Variants in MGAT5 observed in about 807,000 individuals in gnomAD.
MGAT5 encodes the protein alpha-1,6-mannosylglycoprotein 6-beta-N-acetylglucosaminyltransferase A.
MGAT5 carries 30 observed loss-of-function variants against 94.3 expected under a neutral mutation model. The ratio of observed to expected loss-of-function variants is 0.32; its 90% CI spans 0.24 to 0.43. The LOEUF (loss-of-function observed/expected upper bound fraction) is 0.43, where lower values mean the gene tolerates loss of function less well. Ranked by LOEUF, MGAT5 falls within the 20% of genes least tolerant of loss-of-function variation. MGAT5 has a pLI of 1.00. For synonymous variants in MGAT5, 310 were observed against 322.9 expected, an observed-to-expected ratio of 0.96 and a Z score of 0.43; for missense variants, 691 against 905.5, an observed-to-expected ratio of 0.76 and a Z score of 3.04.
Position 134,311,753 on chromosome 2 carries a change from CTTTG to C in MGAT5, c.407-5770_407-5767del, listed in dbSNP as rs536343161. On this transcript the variant is annotated intron_variant, in intron 2 of 15. Transcript: ENST00000281923. Reference sequence around the variant, plus strand: ...AGCAGTGAGGAGTGGTTATTAAAAACTTTGTTTGTAGTAAGTGAATGTTTTATGA... The same window carrying C: ...AGCAGTGAGGAGTGGTTATTAAAAACTTTGTAGTAAGTGAATGTTTTATGA... Among the ~76,000 whole-genome samples the C allele has an allele frequency of 1.4e-3, 219 of 152,212 alleles. 1 individual carries two copies. The East Asian group carries it at 0.037, about 25-fold the overall frequency.
chr2:134,318,615 G>A, intron 3 of MGAT5, 35 bp from the exon 4 acceptor site: 1 of 1,531,024 alleles, frequency 6.5e-7, no homozygotes, highest in Non-Finnish European at 9.0e-7. Flanking sequence ...GAGGGCCTGT[G>A]AATGGGCTGC....
At chr2:134,273,182 G>A (rs1050493100) in intron 2 of MGAT5, among the ~76,000 whole-genome samples, 8 of 152,114 alleles carry the variant, frequency 5.3e-5, no homozygotes, top group Non-Finnish European at 1.0e-4. Flanking sequence ...TTTAAAAAAC[G>A]ATTTGCCATG....
At chr2:134,252,184 G>GC (rs1465224191), upstream of MGAT5, among the ~76,000 whole-genome samples, 2 of 152,186 alleles carry the variant, frequency 1.3e-5, no homozygotes, top group East Asian at 3.8e-4. Context: ...TGGGACTAGA[G>GC]CTGGGGTCTG....
intron 1 of MGAT5, among the ~76,000 whole-genome samples, chr2:134,238,976 T>C (rs993341955): frequency 1.3e-5 from 2 of 151,970 alleles, no homozygotes; most frequent in African/African-American, 4.8e-5. Context: ...AAAAGAAATA[T>C]TGCCCTAAAC....
Position 134,254,470 on chromosome 2 carries a change from T to G in MGAT5, c.67T>G (p.Phe23Val). 1 of 1,614,216 alleles carries G rather than the reference T, an allele frequency of 6.2e-7. No homozygotes were observed. Among genetic ancestry groups the G allele is most frequent in the Non-Finnish European group, 8.5e-7 (1 of 1,180,034 alleles). Residue 23 changes from phenylalanine to valine, a missense_variant, in exon 1 of 16, where the codon TTC (phenylalanine) becomes GTC (valine). Phe to Val is a conservative substitution (Grantham distance 50). This residue lies in a region of MGAT5 where 307 missense variants were observed against 335.4 expected (regional missense o/e 0.92). Transcript: ENST00000281923. Reference protein sequence around the residue: ...KLGFFLVTFGFIWGMMLLHFT... With the variant: ...KLGFFLVTFGVIWGMMLLHFT... ...GGGCTTTTTCCTGGTGACTTTTGGC[T>G]TCATTTGGGGTATGATGCTTCTGCA... is the stretch of plus-strand genomic sequence containing the variant.
Position 134,449,025 on chromosome 2 carries a change from CCAAAA to C in MGAT5, c.*187_*191del. 1 of 624,848 alleles carries C rather than the reference CCAAAA, an allele frequency of 1.6e-6. No homozygotes were observed. The highest frequency in any genetic ancestry group is 2.0e-5 in the South Asian group (1 of 51,104). 38.7% of individuals were successfully genotyped at this position (624,848 alleles called of 1,614,324 possible). ...TCCGAGCAACCCAGTGGAGTCTTCA[CCAAAA>C]CAAAACAAGAGCGTATGTCAGGCCA... On this transcript the variant is annotated 3_prime_UTR_variant, in exon 16 of 16. Transcript: ENST00000281923.
chr2:134,350,091 T>TTTTTTGTTTTCG (rs1553451977), intron 9 of MGAT5, among the ~76,000 whole-genome samples, 153 bp downstream of exon 9: 2 of 151,598 alleles, frequency 1.3e-5, no homozygotes, highest in Non-Finnish European at 2.9e-5. Flanking sequence ...CTGAATTTGT[T>TTTTTTGTTTTCG]TTTTTGTTTT....
rs192118476 is a variant in MGAT5, at chr2:134,133,235, C to T, written c.-143+12944C>T. The stretch of plus-strand genomic sequence containing the variant: ...AGAATAAAATTTAGAGACATTAAAT[C>T]ATGGACTTCTGTGGTTGAAAAGACT... On this transcript the variant is annotated intron_variant, in intron 1 of 16. Coordinates refer to the MGAT5 transcript ENST00000409645. 1.5e-3 allele frequency among the ~76,000 whole-genome samples: 224 copies of T among 152,314 alleles called. 2 individuals carry two copies. Among genetic ancestry groups the T allele is most frequent in the Admixed American group, 4.9e-3 (75 of 15,304 alleles).
At chr2:134,395,502 GT>G (rs1471183930) in intron 10 of MGAT5, among the ~76,000 whole-genome samples, 1 of 152,198 alleles carries the variant, frequency 6.6e-6, no homozygotes, top group Non-Finnish European at 1.5e-5. Flanking sequence ...TGTCTAGCTT[GT>G]CCCGTTTTAT....
At chr2:134,314,577 C>T (rs1284932123) in intron 2 of MGAT5, among the ~76,000 whole-genome samples, 1 of 152,166 alleles carries the variant, frequency 6.6e-6, no homozygotes, top group Non-Finnish European at 1.5e-5. Flanking sequence ...TGATCACTCT[C>T]TGCAGTAGGA....
intron 1 of MGAT5, among the ~76,000 whole-genome samples, chr2:134,125,468 G>T (rs542940422): frequency 6.6e-6 from 1 of 152,274 alleles, no homozygotes; most frequent in East Asian, 1.9e-4. Context: ...ATACCCAGGG[G>T]CACTGCAGGG....
chr2:134,432,737 C>G (rs552905175), intron 14 of MGAT5, among the ~76,000 whole-genome samples: 2 of 152,326 alleles, frequency 1.3e-5, no homozygotes, highest in East Asian at 3.9e-4. Context: ...TACCTAACAT[C>G]TCTATGCTCT....
At chr2:134,229,166 T>C (rs983811164) in intron 1 of MGAT5, among the ~76,000 whole-genome samples, 3 of 152,202 alleles carry the variant, frequency 2.0e-5, no homozygotes, top group African/African-American at 4.8e-5. Context: ...CAGGAAAAAT[T>C]GTGGAAGACT....
intron 9 of MGAT5, 77 bp downstream of exon 9, chr2:134,350,015 G>A: frequency 6.5e-7 from 1 of 1,543,796 alleles, no homozygotes; most frequent in Non-Finnish European, 8.9e-7. Context: ...CATCTATTTT[G>A]GGTTATGATT....
chr2:134,122,109 CTT>C (rs36006435), intron 1 of MGAT5, among the ~76,000 whole-genome samples: 1 of 148,840 alleles, frequency 6.7e-6, no homozygotes, highest in Non-Finnish European at 1.5e-5. Flanking sequence ...GCTCTCCTGT[CTT>C]TTTTTTTTTA....
At chr2:134,267,329 T>C (rs958854074) in intron 1 of MGAT5, among the ~76,000 whole-genome samples, 1 of 152,230 alleles carries the variant, frequency 6.6e-6, no homozygotes, top group African/African-American at 2.4e-5. Context: ...TTTATTCATT[T>C]GTTAAGAGGG....
At chr2:134,151,915 C>G (rs529580678) in intron 1 of MGAT5, among the ~76,000 whole-genome samples, 15 of 146,774 alleles carry the variant, frequency 1.0e-4, no homozygotes, top group African/African-American at 3.8e-4. Flanking sequence ...GGACCTCACT[C>G]ACGCCCTGTG....
intron 1 of MGAT5, among the ~76,000 whole-genome samples, chr2:134,227,938 A>G (rs542545246): frequency 2.7e-4 from 41 of 152,316 alleles, no homozygotes; most frequent in African/African-American, 9.1e-4. Flanking sequence ...CCTGCCAGAC[A>G]TTAGGTAGAC....
intron 15 of MGAT5, 83 bp from the exon 16 acceptor site, chr2:134,448,566 A>G (rs1052037587): frequency 1.5e-6 from 2 of 1,296,746 alleles, no homozygotes; most frequent in Admixed American, 1.7e-5. Flanking sequence ...CCCATGCCTC[A>G]AGATGGGGGC....
Sources: allele counts gnomAD v4.1 joint callset (sites outside exome capture counted in the v4.1 genomes callset), GRCh38; gene constraint gnomAD v4.1.1; regional missense constraint gnomAD v4.1.1; transcripts MANE v1.5; gene names NCBI Gene and HGNC (gene_info 2026-07-23, HGNC 2026-07-21).